The following PTPRD variants were observed in gnomAD, a reference collection of about 807,000 sequenced individuals.
PTPRD encodes the protein protein tyrosine phosphatase receptor type D.
PTPRD carries 34 observed loss-of-function variants against 214.5 expected under a neutral mutation model. That is an observed-to-expected ratio of 0.16 (90% CI 0.12 to 0.21). PTPRD has a LOEUF of 0.21. Ranked by LOEUF, PTPRD falls within the 10% of genes least tolerant of loss-of-function variation. PTPRD has a pLI of 1.00. For synonymous variants in PTPRD, 1,128 were observed against 845.7 expected, an observed-to-expected ratio of 1.33 and a Z score of -5.79; for missense variants, 2,545 against 2,398.7, an observed-to-expected ratio of 1.06 and a Z score of -1.27.
At chr9:9,715,271 T>A (rs1439553889) in intron 7 of PTPRD, among the ~76,000 whole-genome samples, 1 of 152,184 alleles carries the variant, frequency 6.6e-6, no homozygotes, top group Non-Finnish European at 1.5e-5. Flanking sequence ...AGGAAGACAA[T>A]ACATTTTTCA....
chr9:9,474,553 T>C (rs1438611162), intron 8 of PTPRD, among the ~76,000 whole-genome samples: 1 of 152,112 alleles, frequency 6.6e-6, no homozygotes, highest in Non-Finnish European at 1.5e-5. Flanking sequence ...TTTAAAAATA[T>C]TAATTCTTCT....
At chr9:8,852,761 T>A (rs1438451903) in intron 11 of PTPRD, among the ~76,000 whole-genome samples, 1 of 152,186 alleles carries the variant, frequency 6.6e-6, no homozygotes, top group Non-Finnish European at 1.5e-5. Flanking sequence ...AAAGCTCAGT[T>A]TTGCTGTCTC....
chr9:8,915,467 C>T (rs146569380), intron 11 of PTPRD, among the ~76,000 whole-genome samples: 218 of 152,056 alleles, frequency 1.4e-3, no homozygotes, highest in Middle Eastern at 3.4e-3. Context: ...TCCAGAAGAT[C>T]GGAACAATGT....
chr9:9,840,695 A>G (rs900008059), intron 5 of PTPRD, among the ~76,000 whole-genome samples: 9 of 137,658 alleles, frequency 6.5e-5, no homozygotes, highest in African/African-American at 2.4e-4. Context: ...CACGGGAGGC[A>G]GAGCTTGCAT....
At chr9:10,070,582 G>C (rs954543781) in intron 3 of PTPRD, among the ~76,000 whole-genome samples, 1 of 151,906 alleles carries the variant, frequency 6.6e-6, no homozygotes, top group Non-Finnish European at 1.5e-5. Context: ...AAAATTAAAA[G>C]AGTCATTTAT....
intron 11 of PTPRD, among the ~76,000 whole-genome samples, chr9:8,944,453 C>T (rs558774024): frequency 6.6e-6 from 1 of 152,178 alleles, no homozygotes; most frequent in East Asian, 1.9e-4. Context: ...TCTGCACTCC[C>T]ATGTTTACTG....
chr9:10,231,962 G>A, intron 3 of PTPRD, among the ~76,000 whole-genome samples: 1 of 25,568 alleles, frequency 3.9e-5, no homozygotes, highest in Non-Finnish European at 9.6e-5. Flanking sequence ...GAATTAGAGA[G>A]AGAGAGAGAG....
intron 15 of PTPRD, chr9:8,528,316 C>T (rs2074750878): frequency 4.2e-6 from 2 of 477,262 alleles, no homozygotes; most frequent in South Asian, 4.6e-5. Flanking sequence ...TGCGAAAAAG[C>T]AGTAAATTAA....
chr9:10,215,036 T>C (rs2154344652), intron 3 of PTPRD, among the ~76,000 whole-genome samples: 1 of 152,198 alleles, frequency 6.6e-6, no homozygotes, highest in East Asian at 1.9e-4. Flanking sequence ...TAGAAGCTGA[T>C]TCCATACTCT....
chr9:9,175,915 C>A (rs2131197627), intron 10 of PTPRD, among the ~76,000 whole-genome samples: 1 of 152,052 alleles, frequency 6.6e-6, no homozygotes, highest in South Asian at 2.1e-4. Context: ...ATCTGTAGGC[C>A]TGAAAAAAGA....
At chr9:10,077,675 T>C (rs1397694971) in intron 3 of PTPRD, among the ~76,000 whole-genome samples, 2 of 152,116 alleles carry the variant, frequency 1.3e-5, no homozygotes, top group African/African-American at 4.8e-5. Flanking sequence ...GGCACCCATG[T>C]CTGTTGTTCC....
intron 7 of PTPRD, among the ~76,000 whole-genome samples, chr9:9,642,538 C>G (rs541824973): frequency 6.6e-6 from 1 of 152,060 alleles, no homozygotes; most frequent in South Asian, 2.1e-4. Context: ...GTGATAATTT[C>G]CAGGCCTTCT....
intron 14 of PTPRD, among the ~76,000 whole-genome samples, chr9:8,610,828 A>G (rs1257435001): frequency 6.6e-6 from 1 of 152,168 alleles, no homozygotes; most frequent in Non-Finnish European, 1.5e-5. Context: ...ATTTCATTAA[A>G]CCATACAACA....
chr9:9,845,311 A>C (rs763679927), intron 5 of PTPRD, among the ~76,000 whole-genome samples: 6 of 148,462 alleles, frequency 4.0e-5, no homozygotes, highest in Non-Finnish European at 1.5e-5. Context: ...ATATATTACA[A>C]AGTCAAAAAT....
chr9:9,711,092 C>T (rs986310487), intron 7 of PTPRD, among the ~76,000 whole-genome samples: 1 of 152,064 alleles, frequency 6.6e-6, no homozygotes, highest in Non-Finnish European at 1.5e-5. Context: ...TAGGATCAGG[C>T]CATGCGAGAC....
intron 14 of PTPRD, among the ~76,000 whole-genome samples, chr9:8,610,132 T>C (rs2095391294): frequency 6.7e-6 from 1 of 148,420 alleles, no homozygotes; most frequent in Non-Finnish European, 1.5e-5. Flanking sequence ...AGCACACTTT[T>C]TGTTAAGTGA....
chr9:9,555,688 C>A lies in PTPRD; in HGVS notation c.-237+19044G>T, dbSNP rs575500508. Among the ~76,000 whole-genome samples the A allele has an allele frequency of 5.3e-5, 8 of 152,144 alleles. No individual in the cohort carries two copies. The South Asian group carries it at 1.5e-3, about 28-fold the overall frequency. ...AACCACGTTTGGCATTTAAGTAGGT[C>A]ACAAAATATGTCCTGATTTCTTATG... On this transcript the variant is annotated intron_variant, in intron 8 of 45. Transcript: ENST00000381196.
chr9:8,393,311 G>A (rs532778565), intron 36 of PTPRD, among the ~76,000 whole-genome samples: 246 of 152,274 alleles, frequency 1.6e-3, no homozygotes, highest in Non-Finnish European at 7.5e-4. Flanking sequence ...AATGTAACTT[G>A]AAATGTAGTA....
At chr9:8,584,541 A>G (rs1269288758) in intron 14 of PTPRD, among the ~76,000 whole-genome samples, 1 of 152,200 alleles carries the variant, frequency 6.6e-6, no homozygotes, top group African/African-American at 2.4e-5. Flanking sequence ...TTCAGCAAAA[A>G]TACTATTGGT....
Sources: allele counts gnomAD v4.1 joint callset (sites outside exome capture counted in the v4.1 genomes callset), GRCh38; gene constraint gnomAD v4.1.1; transcripts MANE v1.5; gene names NCBI Gene and HGNC (gene_info 2026-07-23, HGNC 2026-07-21).